The following VPS35 variants were observed in gnomAD, a reference collection of about 807,000 sequenced individuals.
The protein encoded by VPS35 is VPS35 retromer complex component.
A neutral mutation model predicts 98.1 loss-of-function variants in VPS35; 21 were observed. The ratio of observed to expected loss-of-function variants is 0.21; its 90% CI spans 0.15 to 0.31. The LOEUF (loss-of-function observed/expected upper bound fraction) is 0.31, where lower values mean the gene tolerates loss of function less well. VPS35 is among the 10% of genes least tolerant of loss of function. The probability of loss-of-function intolerance (pLI) is 1.00; values close to 1 mark genes in which losing one functional copy is unlikely to be tolerated. For missense variants in VPS35, 554 were observed against 950.8 expected (o/e 0.58, Z 5.49); for synonymous variants, 268 against 318.2 (o/e 0.84, Z 1.68).
rs760434383 is a variant in VPS35 at position 46,661,791 on chromosome 16, G to C, written c.2138C>G (p.Pro713Arg). 6.2e-7 allele frequency: 1 copy of C among 1,613,970 alleles called. No homozygotes were observed. The highest frequency in any genetic ancestry group is 1.1e-5 in the South Asian group (1 of 91,072). Residue 713 changes from proline to arginine, a missense_variant, in exon 16 of 17, where the codon CCC (proline) becomes CGC (arginine). Pro to Arg is a moderately radical substitution (Grantham distance 103). Transcript: ENST00000299138. This position sits in a 1 kb window ranked among gnomAD's most constrained non-coding sequence, Gnocchi z 4.3. ...TATAAAAAGCTGCACTTGTAGAGAG[G>C]GGTCCATGCACTGATTTGCTATTTT... ...ALKIANQCMD[P>R]SLQVQLFIEI...
In VPS35 at chr16:46,657,154, C is replaced by T. The variant is rs1252639713; in HGVS notation, c.*3318G>A. On this transcript the variant is annotated 3_prime_UTR_variant, in exon 17 of 17. Coordinates refer to ENST00000299138, the MANE Select transcript of VPS35 (RefSeq NM_018206.6). ...CTTTAATCAAACCTAAGGCAAGTCA[C>T]TACTCTTGGGAATTCAAGTGTATGG... is the stretch of plus-strand genomic sequence containing the variant. 1 of 152,216 alleles carries T rather than the reference C, an allele frequency of 6.6e-6. No individual in the cohort carries two copies. The highest frequency in any genetic ancestry group is 1.5e-5 in the Non-Finnish European group (1 of 68,062). The allele number at this position is 152,216 out of a possible 1,614,324, so 9.4% of individuals were successfully genotyped here.
chr16:46,662,377 T>C lies in VPS35; in HGVS notation c.1933A>G (p.Asn645Asp). Residue 645 changes from asparagine to aspartate, a missense_variant, in exon 15 of 17, where the codon AAT becomes GAT. Coordinates refer to ENST00000299138, the MANE Select transcript of VPS35 (RefSeq NM_018206.6). ...CACTGAGTCCTCAGAGGTTCGTGAT[T>C]CTCTTCACTGAAGCACTTCATCCTT... The part of the protein sequence containing the change: ...FERMKCFSEE[N>D]HEPLRTQCAL... 6.2e-7 allele frequency: 1 copy of C among 1,614,220 alleles called. No individual in the cohort carries two copies. The highest frequency in any genetic ancestry group is 8.5e-7 in the Non-Finnish European group (1 of 1,180,042).
chr16:46,679,673 G>A lies in VPS35; in HGVS notation c.507-517C>T, dbSNP rs1966203912. Among the ~76,000 whole-genome samples the A allele has an allele frequency of 2.0e-5, 3 of 152,214 alleles. No individual in the cohort carries two copies. The South Asian group carries it at 6.2e-4, about 32-fold the overall frequency. ...TTTTTAATTGGAATGTAAGCTTTGTGAGGGAAGAGACCATGGATTTCCTGC... is the reference window on the plus strand; with the variant it reads ...TTTTTAATTGGAATGTAAGCTTTGTAAGGGAAGAGACCATGGATTTCCTGC... On this transcript the variant is annotated intron_variant, in intron 5 of 16. Transcript: ENST00000299138.
intron 5 of VPS35, 81 bp downstream of exon 5, chr16:46,680,590 T>C: frequency 6.9e-7 from 1 of 1,443,820 alleles, no homozygotes; most frequent in Non-Finnish European, 9.6e-7. Context: ...TCACACTTTG[T>C]TTCTGTATAT....
intron 13 of VPS35, among the ~76,000 whole-genome samples, chr16:46,667,829 C>A (rs997247273): frequency 2.6e-5 from 4 of 152,074 alleles, no homozygotes; most frequent in Non-Finnish European, 4.4e-5. Context: ...TAGTTTATTG[C>A]ATATGTGTGG....
chr16:46,681,476 T>C lies in VPS35; in HGVS notation c.224A>G (p.His75Arg), dbSNP rs746848785. 6.2e-7 allele frequency: 1 copy of C among 1,613,172 alleles called. No homozygotes were observed. The highest frequency in any genetic ancestry group is 8.5e-7 in the Non-Finnish European group (1 of 1,179,622). ...ATCTGTCAGGTAGACCTCCAAGTAG[T>C]GCAGTTCATCAGAAATGGCCATATC... ...ELYMAISDELHYLEVYLTDEF... is the reference protein window; with the variant it reads ...ELYMAISDELRYLEVYLTDEF... The change falls in exon 4 of 17, where the codon CAC (histidine) becomes CGC (arginine). Residue 75 changes from histidine (H) to arginine (R), a missense_variant. His to Arg is a conservative substitution (Grantham distance 29). Transcript: ENST00000299138.
chr16:46,688,221 G>T, intron 1 of VPS35: 1 of 730,740 alleles, frequency 1.4e-6, no homozygotes, highest in Non-Finnish European at 1.7e-6. Context: ...AGTGAGTAAG[G>T]TAATTAAAGC....
chr16:46,679,172 A>G lies in VPS35; in HGVS notation c.507-16T>C. 1 of 1,585,288 alleles carries G rather than the reference A, an allele frequency of 6.3e-7. No homozygotes were observed. The highest frequency in any genetic ancestry group is 8.6e-7 in the Non-Finnish European group (1 of 1,163,576). ...TGTTTCTTCACTGCAAAGAAACAGA[A>G]AAGTCTTTACACAGTATTTACAGGA... is the stretch of plus-strand genomic sequence containing the variant. On this transcript the variant is annotated splice_polypyrimidine_tract_variant and intron_variant, in intron 5 of 16. Coordinates refer to ENST00000299138, the MANE Select transcript of VPS35 (RefSeq NM_018206.6).
At chr16:46,671,929 T>G (rs1966076248) in intron 11 of VPS35, 69 bp from the exon 12 acceptor site, 1 of 1,591,224 alleles carries the variant, frequency 6.3e-7, no homozygotes, top group Admixed American at 1.7e-5. Flanking sequence ...TTATCAAAAG[T>G]GTTTCCAGTT....
chr16:46,683,917 G>A (rs917632902), intron 1 of VPS35, among the ~76,000 whole-genome samples: 4 of 151,964 alleles, frequency 2.6e-5, no homozygotes, highest in East Asian at 3.9e-4. Flanking sequence ...TAGTAGAGAC[G>A]GGGTTTCACC....
chr16:46,672,877 C>G (rs1966089218), intron 10 of VPS35, among the ~76,000 whole-genome samples: 1 of 152,152 alleles, frequency 6.6e-6, no homozygotes, highest in Non-Finnish European at 1.5e-5. Context: ...GCAAAACCAG[C>G]AATTTGACAC....
chr16:46,682,416 T>A (rs916430851), intron 2 of VPS35: 1 of 458,942 alleles, frequency 2.2e-6, no homozygotes, highest in South Asian at 2.3e-5. Context: ...AGCTTCTTGA[T>A]AGAATGCTAA....
chr16:46,661,610 G>A lies in VPS35; in HGVS notation c.2211+108C>T, dbSNP rs987574697. 9.8e-7 allele frequency: 1 copy of A among 1,022,448 alleles called. No homozygotes were observed. Among genetic ancestry groups the A allele is most frequent in the African/African-American group, 1.6e-5 (1 of 61,958 alleles). 63.3% of individuals were successfully genotyped at this position (1,022,448 alleles called of 1,614,324 possible). ...GTAAATTATTTTACATTTTTCAAAT[G>A]AACAGTGATTAAAGTATCAGAATGA... On this transcript the variant is annotated intron_variant, in intron 16 of 16. Coordinates refer to ENST00000299138, the MANE Select transcript of VPS35 (RefSeq NM_018206.6). This position sits in a 1 kb window ranked among gnomAD's most constrained non-coding sequence, Gnocchi z 4.3.
chr16:46,681,628 G>A (rs1427589433), intron 3 of VPS35, 128 bp from the exon 4 acceptor site: 1 of 1,133,610 alleles, frequency 8.8e-7, no homozygotes, highest in Non-Finnish European at 1.3e-6. Flanking sequence ...AAGTGTTCAA[G>A]CGAAGGATGA....
In VPS35 at chr16:46,681,363, T is replaced by G; in HGVS notation, c.323+14A>C. ...AATACAGACACAAAAGTTCTCTGAT[T>G]TGTAATTACTTACAGCCTTGGGATA... On this transcript the variant is annotated intron_variant, in intron 4 of 16. Coordinates refer to ENST00000299138, the MANE Select transcript of VPS35 (RefSeq NM_018206.6). 1 of 1,613,468 alleles carries G rather than the reference T, an allele frequency of 6.2e-7. No individual in the cohort carries two copies. Among genetic ancestry groups the G allele is most frequent in the South Asian group, 1.1e-5 (1 of 91,058 alleles).
rs1243098777 is a variant in VPS35 at position 46,662,253 on chromosome 16, T to C, written c.2057A>G (p.Asn686Ser). 6.2e-7 allele frequency: 1 copy of C among 1,614,108 alleles called. No homozygotes were observed. The highest frequency in any genetic ancestry group is 8.5e-7 in the Non-Finnish European group (1 of 1,180,012). Residue 686 changes from asparagine (N) to serine (S), a missense_variant, in exon 15 of 17, where the codon AAT (asparagine) becomes AGT (serine). Around this residue, in one of 5 missense-constraint regions of VPS35, gnomAD observed 153 missense variants for 211.0 expected, o/e 0.73. Transcript: ENST00000299138. The part of the protein sequence containing the change: ...LFWSGRNTDK[N>S]GEELHGGKRV... ...CAGGAATGACCTTACCTCCTCCCCA[T>C]TTTTGTCCGTGTTTCTGCCAGACCA... is the stretch of plus-strand genomic sequence containing the variant.
chr16:46,660,894 C>T (rs1203958483), intron 16 of VPS35: 2 of 495,034 alleles, frequency 4.0e-6, no homozygotes, highest in East Asian at 9.5e-5. Context: ...CCCTGTACTC[C>T]CAGCACTTTG....
Position 46,661,748 on chromosome 16 carries a change from A to G in VPS35, c.2181T>C (p.Tyr727=), listed in dbSNP as rs369831560. Residue 727 remains tyrosine, a synonymous_variant, in exon 16 of 17, where the codon TAT becomes TAC. Transcript: ENST00000299138. This position sits in a 1 kb window ranked among gnomAD's most constrained non-coding sequence, Gnocchi z 4.3. ...VQLFIEILNR[Y]IYFYEKENDA... is the part of the protein sequence containing the mutation. The stretch of plus-strand genomic sequence containing the variant: ...CATTTTCCTTTTCATAAAAATAGAT[A>G]TATCTGTTCAGAATTTCTATAAAAA... 128 of 1,612,170 alleles carry G rather than the reference A, an allele frequency of 7.9e-5. No individual in the cohort carries two copies. Among genetic ancestry groups the G allele is most frequent in the Admixed American group, 1.0e-4 (6 of 59,990 alleles).
chr16:46,661,121 G>A lies in VPS35; in HGVS notation c.2212-470C>T, dbSNP rs2143005702. ...GAGATTGCCACTGCACTCCAGCCTG[G>A]GTGACAGAGCCAGACTCTGTCAAAA... is the stretch of plus-strand genomic sequence containing the variant. On this transcript the variant is annotated intron_variant, in intron 16 of 16. Transcript: ENST00000299138. This position sits in a 1 kb window ranked among gnomAD's most constrained non-coding sequence, Gnocchi z 4.3. 6.6e-6 allele frequency among the ~76,000 whole-genome samples: 1 copy of A among 152,018 alleles called. No homozygotes were observed. The highest frequency in any genetic ancestry group is 2.4e-5 in the African/African-American group (1 of 41,448).
Sources: gnomAD v4.1 joint callset for allele counts (sites outside exome capture counted in the v4.1 genomes callset) on GRCh38, gnomAD v4.1.1 for gene constraint, gnomAD v4.1.1 regional missense constraint, Gnocchi (gnomAD v3.1) non-coding constraint, MANE v1.5 for transcripts, NCBI Gene and HGNC (gene_info 2026-07-23, HGNC 2026-07-21) for gene names.